GKAP1: variants seen among roughly 807,000 people sequenced by gnomAD.
GKAP1 encodes the protein G kinase-anchoring protein 1.
In GKAP1, 31 loss-of-function variants were observed where a neutral mutation model predicts 56.7. That is an observed-to-expected ratio of 0.55 (90% confidence interval 0.41 to 0.74). The LOEUF (loss-of-function observed/expected upper bound fraction) is 0.74, where lower values mean the gene tolerates loss of function less well. Among genes scored for constraint, GKAP1 ranks in the 30% least tolerant of loss-of-function variants. GKAP1 has a pLI of 0.00. For synonymous variants in GKAP1, 151 were observed against 138.6 expected (o/e 1.09, Z -0.63); for missense variants, 364 against 402.3 (o/e 0.90, Z 0.82).
rs913687495 is a variant in GKAP1 at position 83,788,833 on chromosome 9, G to A, written c.361-155C>T. 1.3e-5 allele frequency: 6 copies of A among 456,442 alleles called. No individual in the cohort carries two copies. The South Asian group carries it at 2.8e-4, about 21-fold the overall frequency. The allele number at this position is 456,442 out of a possible 1,614,324, so 28.3% of individuals were successfully genotyped here. A position where few individuals can be genotyped will look rare whatever the true frequency, so the allele number is the denominator to read the frequency against. On this transcript the variant is annotated intron_variant, in intron 4 of 12. Transcript: ENST00000376371. Reference sequence around the variant, plus strand: ...TTATCTAACCATGCCAAACTAGGAAGCCTATATTCTATAGAAGACATCAAA... The same window carrying A: ...TTATCTAACCATGCCAAACTAGGAAACCTATATTCTATAGAAGACATCAAA...
intron 9 of GKAP1, among the ~76,000 whole-genome samples, chr9:83,750,665 C>A (rs1587690808): frequency 6.6e-6 from 1 of 152,152 alleles, no homozygotes; most frequent in African/African-American, 2.4e-5. Flanking sequence ...CTTACCTCCT[C>A]CCTTAGGCTT....
At chr9:83,756,737 T>C (rs1943484270) in intron 8 of GKAP1, among the ~76,000 whole-genome samples, 1 of 152,176 alleles carries the variant, frequency 6.6e-6, no homozygotes, top group Non-Finnish European at 1.5e-5. Flanking sequence ...TAGTTGTTAA[T>C]AATCAAATGA....
intron 8 of GKAP1, among the ~76,000 whole-genome samples, chr9:83,759,237 T>C (rs1222930485): frequency 6.6e-6 from 1 of 152,124 alleles, no homozygotes; most frequent in African/African-American, 2.4e-5. Flanking sequence ...AAGCCCTAAA[T>C]AATGTATTAA....
chr9:83,771,550 G>A (rs1437997861), intron 7 of GKAP1, among the ~76,000 whole-genome samples: 1 of 152,164 alleles, frequency 6.6e-6, no homozygotes, highest in South Asian at 2.1e-4. Flanking sequence ...AAAAATGGTT[G>A]TGCAACACTT....
chr9:83,793,426 T>C (rs1214457798), intron 4 of GKAP1, among the ~76,000 whole-genome samples: 1 of 152,222 alleles, frequency 6.6e-6, no homozygotes, highest in African/African-American at 2.4e-5. Context: ...AATCTTACAG[T>C]AGTCTTATTG....
chr9:83,797,097 T>C (rs946020146), intron 4 of GKAP1, among the ~76,000 whole-genome samples: 2 of 152,202 alleles, frequency 1.3e-5, no homozygotes, highest in African/African-American at 2.4e-5. Flanking sequence ...ACTGAGTGCT[T>C]TCCTACTGTC....
intron 12 of GKAP1, 62 bp downstream of exon 12, chr9:83,741,890 C>A: frequency 1.0e-6 from 1 of 986,204 alleles, no homozygotes; most frequent in Non-Finnish European, 1.5e-6. Flanking sequence ...TTTATTCTCA[C>A]ACAGTATCTA....
intron 8 of GKAP1, among the ~76,000 whole-genome samples, chr9:83,766,378 T>C (rs1440318044): frequency 1.4e-5 from 2 of 141,934 alleles, no homozygotes; most frequent in Admixed American, 7.6e-5. Flanking sequence ...ACATAAAATT[T>C]GGAAGTTGAG....
chr9:83,744,265 T>C (rs920208112), intron 10 of GKAP1, among the ~76,000 whole-genome samples: 1 of 152,250 alleles, frequency 6.6e-6, no homozygotes, highest in African/African-American at 2.4e-5. Context: ...TTTGTTTCAA[T>C]GAGGTTGATG....
chr9:83,765,777 G>GTA (rs1391816881), intron 8 of GKAP1, among the ~76,000 whole-genome samples: 1 of 152,172 alleles, frequency 6.6e-6, no homozygotes, highest in African/African-American at 2.4e-5. Flanking sequence ...TGAAATGGGC[G>GTA]TATTTACCCA....
intron 9 of GKAP1, among the ~76,000 whole-genome samples, chr9:83,750,904 T>G (rs1943378671): frequency 6.6e-6 from 1 of 151,524 alleles, no homozygotes; most frequent in East Asian, 1.9e-4. Flanking sequence ...GGCACGATCT[T>G]AGCTCACTGC....
At chr9:83,764,951 G>C (rs1406076890) in intron 8 of GKAP1, among the ~76,000 whole-genome samples, 1 of 152,212 alleles carries the variant, frequency 6.6e-6, no homozygotes, top group Non-Finnish European at 1.5e-5. Flanking sequence ...AGAAATTCAA[G>C]TCTACCACAC....
At chr9:83,747,763 A>G (rs1053253203) in intron 10 of GKAP1, among the ~76,000 whole-genome samples, 5 of 151,570 alleles carry the variant, frequency 3.3e-5, no homozygotes, top group Non-Finnish European at 5.9e-5. Context: ...CAGTTTCCCG[A>G]GCAGCTGGGA....
At chr9:83,759,247 A>C (rs1039877187) in intron 8 of GKAP1, among the ~76,000 whole-genome samples, 2 of 151,960 alleles carry the variant, frequency 1.3e-5, no homozygotes, top group Non-Finnish European at 2.9e-5. Context: ...TAATGTATTA[A>C]ATTTCTATTT....
chr9:83,802,087 G>A (rs985437156), intron 3 of GKAP1, among the ~76,000 whole-genome samples: 5 of 152,114 alleles, frequency 3.3e-5, no homozygotes, highest in African/African-American at 1.2e-4. Flanking sequence ...TTGTAGCTCA[G>A]AATTTCTTTT....
intron 8 of GKAP1, among the ~76,000 whole-genome samples, chr9:83,764,206 C>G (rs1943623068): frequency 6.6e-6 from 1 of 152,176 alleles, no homozygotes; most frequent in African/African-American, 2.4e-5. Context: ...CAAATCTCAT[C>G]TTGAATTGTA....
chr9:83,753,708 T>TA (rs774745384), intron 8 of GKAP1, among the ~76,000 whole-genome samples: 4 of 152,014 alleles, frequency 2.6e-5, no homozygotes, highest in Non-Finnish European at 5.9e-5. Context: ...ACAAAATTAA[T>TA]AAAAAATATG....
chr9:83,798,013 T>C (rs1944275479), intron 4 of GKAP1, among the ~76,000 whole-genome samples: 1 of 152,204 alleles, frequency 6.6e-6, no homozygotes, highest in Non-Finnish European at 1.5e-5. Flanking sequence ...TACCAGTACC[T>C]GGAACTGCCA....
chr9:83,802,199 G>C (rs1053540572), intron 3 of GKAP1, among the ~76,000 whole-genome samples: 15 of 152,244 alleles, frequency 9.9e-5, no homozygotes, highest in African/African-American at 3.6e-4. Context: ...AAAAGAAATG[G>C]GCCAGGCGCA....
Sources: gnomAD v4.1 joint callset for allele counts (sites outside exome capture counted in the v4.1 genomes callset) on GRCh38, gnomAD v4.1.1 for gene constraint, MANE v1.5 for transcripts, NCBI Gene and HGNC (gene_info 2026-07-23, HGNC 2026-07-21) for gene names.